The following AAK1 variants were observed in gnomAD, a reference collection of about 807,000 sequenced individuals.
The protein encoded by AAK1 is AP2-associated protein kinase 1.
A neutral mutation model predicts 116.0 loss-of-function variants in AAK1; 37 were observed. The observed-to-expected ratio is 0.32, with a 90% confidence interval of 0.25 to 0.42. The LOEUF (loss-of-function observed/expected upper bound fraction) is 0.42. Among genes scored for constraint, AAK1 ranks in the 10% least tolerant of loss-of-function variants. The probability of loss-of-function intolerance (pLI) is 1.00; values close to 1 mark genes in which losing one functional copy is unlikely to be tolerated. For missense variants in AAK1, 919 were observed against 1,170.6 expected (o/e 0.79, Z 3.14); for synonymous variants, 458 against 439.9 (o/e 1.04, Z -0.51).
chr2:69,559,262 T>TCTCA (rs1351412903), intron 2 of AAK1, among the ~76,000 whole-genome samples: 37 of 127,264 alleles, frequency 2.9e-4, no homozygotes, highest in African/African-American at 1.0e-3. Flanking sequence ...TCTCTCTCTC[T>TCTCA]CACACACACA....
intron 6 of AAK1, 61 bp from the exon 7 acceptor site, chr2:69,530,767 C>G: frequency 3.8e-6 from 5 of 1,319,432 alleles, no homozygotes; most frequent in Non-Finnish European, 5.4e-6. Context: ...AAACCAGGAG[C>G]AGCAGAAATA....
chr2:69,600,269 T>A (rs144474155), intron 2 of AAK1, among the ~76,000 whole-genome samples: 186 of 150,850 alleles, frequency 1.2e-3, no homozygotes, highest in African/African-American at 4.3e-3. Flanking sequence ...AAGATCCAAG[T>A]TGCATTCTTA....
chr2:69,527,188 C>A, intron 9 of AAK1, 28 bp downstream of exon 9: 1 of 1,498,724 alleles, frequency 6.7e-7, no homozygotes, highest in Non-Finnish European at 9.2e-7. Flanking sequence ...ATAATGTTTA[C>A]TCCCTTTAAA....
intron 5 of AAK1, among the ~76,000 whole-genome samples, chr2:69,536,333 T>C (rs1444848060): frequency 6.6e-6 from 1 of 152,120 alleles, no homozygotes; most frequent in Non-Finnish European, 1.5e-5. Context: ...TTATGAAAAT[T>C]AGCTTGGCAA....
rs74748924 is a variant in AAK1, at chr2:69,626,855, T to G, written c.163+16023A>C. On this transcript the variant is annotated intron_variant, in intron 2 of 21. Transcript: ENST00000409085. ...TTATTTTCGTCACTTCACATCCTCC[T>G]GATTCTACCGTCAATCATTCTTTCT... Among the ~76,000 whole-genome samples the G allele has an allele frequency of 5.2e-3, 796 of 152,222 alleles. 9 individuals carry two copies. Among genetic ancestry groups the G allele is most frequent in the African/African-American group, 0.018 (756 of 41,550 alleles).
Position 69,522,803 on chromosome 2 carries a change from CAAAAAAAAAAAAAGAGG to C in AAK1, c.1056-1832_1056-1816del, listed in dbSNP as rs1258192190. Reference sequence around the variant, plus strand: ...TGGGTGACAGAGCAAGACTCCATCTCAAAAAAAAAAAAAGAGGAAAAAAAGAAAAAGCCAAGGGTGAG... The same window carrying C: ...TGGGTGACAGAGCAAGACTCCATCTCAAAAAAAGAAAAAGCCAAGGGTGAG... On this transcript the variant is annotated intron_variant, in intron 10 of 21. Transcript: ENST00000409085. Among the ~76,000 whole-genome samples the C allele has an allele frequency of 2.4e-5, 3 of 125,750 alleles. No homozygotes were observed. The East Asian group carries it at 7.0e-4, about 29-fold the overall frequency. 82.5% of individuals were successfully genotyped at this position (125,750 alleles called of 152,430 possible).
chr2:69,510,529 T>C (rs1676354170), intron 13 of AAK1, among the ~76,000 whole-genome samples: 1 of 152,246 alleles, frequency 6.6e-6, no homozygotes, highest in Non-Finnish European at 1.5e-5. Flanking sequence ...TGTGTCTTTA[T>C]GGCAGAACAA....
chr2:69,467,810 G>C lies in AAK1; in HGVS notation c.*8059C>G, dbSNP rs1441493732. 1 of 985,314 alleles carries C rather than the reference G, an allele frequency of 1.0e-6. No individual in the cohort carries two copies. Among genetic ancestry groups the C allele is most frequent in the Non-Finnish European group, 1.2e-6 (1 of 829,932 alleles). The allele number at this position is 985,314 out of a possible 1,614,324, so 61.0% of individuals were successfully genotyped here. A position where few individuals can be genotyped will look rare whatever the true frequency, so the allele number is the denominator to read the frequency against. ...AGAGGCATTAAAATCAGTTTATTGG[G>C]AAACCAGTCACTTAGAGACATTACA... On this transcript the variant is annotated 3_prime_UTR_variant, in exon 22 of 22. Transcript: ENST00000409085.
At position 69,643,068 on chromosome 2, in the gene AAK1, A is replaced by G; in HGVS notation, c.-28T>C. On this transcript the variant is annotated 5_prime_UTR_variant, in exon 2 of 22. Coordinates refer to ENST00000409085, the MANE Select transcript of AAK1 (RefSeq NM_014911.5). ...TGCGAATAGGGAGCAGCAAAGCAAA[A>G]TACCGATGGTTTCTAGATTTTTTTT... 2 of 1,515,510 alleles carry G rather than the reference A, an allele frequency of 1.3e-6. No homozygotes were observed. The highest frequency in any genetic ancestry group is 1.8e-6 in the Non-Finnish European group (2 of 1,138,794). The allele number at this position is 1,515,510 out of a possible 1,614,324, so 93.9% of individuals were successfully genotyped here.
intron 17 of AAK1, among the ~76,000 whole-genome samples, chr2:69,485,755 T>C (rs534317678): frequency 1.6e-4 from 24 of 151,622 alleles, no homozygotes; most frequent in African/African-American, 4.1e-4. Flanking sequence ...CCCTCTCCCA[T>C]GTTCAAGCGA....
At position 69,519,188 on chromosome 2, in the gene AAK1, T is replaced by C; in HGVS notation, c.1263A>G (p.Gln421=). ...GCGGCAGAGGCTGGCTGGGTGGGGC[T>C]TGGGGTTTTGGTTGGGGAACACTGG... ...LLASVPQPKP[Q]APPSQPLPQT... is the part of the protein sequence containing the mutation. Residue 421 remains glutamine, a synonymous_variant, in exon 12 of 22, where the codon CAA becomes CAG. Coordinates refer to ENST00000409085, the MANE Select transcript of AAK1 (RefSeq NM_014911.5). 1 of 1,587,968 alleles carries C rather than the reference T, an allele frequency of 6.3e-7. No homozygotes were observed. The highest frequency in any genetic ancestry group is 8.6e-7 in the Non-Finnish European group (1 of 1,167,294).
chr2:69,608,852 T>C (rs2105211797), intron 2 of AAK1, among the ~76,000 whole-genome samples: 1 of 152,318 alleles, frequency 6.6e-6, no homozygotes, highest in South Asian at 2.1e-4. Context: ...GAAAGGGAAA[T>C]AAATCCATTT....
intron 13 of AAK1, among the ~76,000 whole-genome samples, chr2:69,513,075 A>G (rs925105205): frequency 1.3e-5 from 2 of 152,136 alleles, no homozygotes; most frequent in South Asian, 4.1e-4. Context: ...TAATTTTTTT[A>G]AAAACTCTTT....
chr2:69,476,054 A>T, intron 21 of AAK1, 91 bp from the exon 22 acceptor site: 1 of 1,479,054 alleles, frequency 6.8e-7, no homozygotes, highest in Non-Finnish European at 9.0e-7. Flanking sequence ...CCAAACCAAA[A>T]CCAAAACCAA....
At chr2:69,493,173 A>AAAAAAAAAAAAAAAAAAAC (rs1675607418) in intron 17 of AAK1, among the ~76,000 whole-genome samples, 1 of 148,580 alleles carries the variant, frequency 6.7e-6, no homozygotes, top group African/African-American at 2.5e-5. Context: ...AAAAAAAAAA[A>AAAAAAAAAAAAAAAAAAAC]AAAAGGATGC....
chr2:69,605,804 T>A (rs1000593992), intron 2 of AAK1, among the ~76,000 whole-genome samples: 2 of 152,076 alleles, frequency 1.3e-5, no homozygotes, highest in African/African-American at 4.8e-5. Flanking sequence ...GCTCCTACCT[T>A]CCCCCTGCCC....
intron 11 of AAK1, 118 bp downstream of exon 11, chr2:69,520,714 ACT>A (rs1455312743): frequency 8.4e-7 from 1 of 1,195,040 alleles, no homozygotes; most frequent in Non-Finnish European, 1.1e-6. Context: ...CTCAAGGAAC[ACT>A]GTTATCTCTG....
chr2:69,559,125 G>C (rs190651047), intron 2 of AAK1, among the ~76,000 whole-genome samples: 1 of 152,162 alleles, frequency 6.6e-6, no homozygotes. Context: ...ATGTTCCTCA[G>C]TATTCAAATA....
At chr2:69,602,822 T>G (rs1478844848) in intron 2 of AAK1, among the ~76,000 whole-genome samples, 1 of 152,234 alleles carries the variant, frequency 6.6e-6, no homozygotes, top group Non-Finnish European at 1.5e-5. Flanking sequence ...ATTTATTATT[T>G]CAAATTTTTA....
Sources: gnomAD v4.1 joint callset for allele counts (sites outside exome capture counted in the v4.1 genomes callset) on GRCh38, gnomAD v4.1.1 for gene constraint, MANE v1.5 for transcripts, NCBI Gene and HGNC (gene_info 2026-07-23, HGNC 2026-07-21) for gene names.